The following POLQ variants were observed in gnomAD, a reference collection of about 807,000 sequenced individuals.
The protein encoded by POLQ is epididymis secretory sperm binding protein.
POLQ carries 233 observed loss-of-function variants against 259.2 expected under a neutral mutation model. That is an observed-to-expected ratio of 0.90 (90% CI 0.81 to 1.00). POLQ has a LOEUF of 1.00. POLQ is among the 50% of genes least tolerant of loss of function. The probability of loss-of-function intolerance (pLI) is 0.00; values close to 1 mark genes in which losing one functional copy is unlikely to be tolerated. For synonymous variants in POLQ, 1,025 were observed against 1,048.8 expected, an observed-to-expected ratio of 0.98 and a Z score of 0.44; for missense variants, 2,871 against 3,051.6, an observed-to-expected ratio of 0.94 and a Z score of 1.39.
chr3:121,460,028 T>G, intron 25 of POLQ, 22 bp downstream of exon 25: 1 of 1,586,640 alleles, frequency 6.3e-7, no homozygotes. Flanking sequence ...TCCTTTATAT[T>G]AACCATGTTC....
chr3:121,449,869 G>A (rs1000268401), intron 25 of POLQ, among the ~76,000 whole-genome samples: 4 of 151,808 alleles, frequency 2.6e-5, no homozygotes, highest in African/African-American at 4.8e-5. Flanking sequence ...ACTTTATGAC[G>A]AAGACTTAAC....
intron 25 of POLQ, among the ~76,000 whole-genome samples, chr3:121,456,743 G>C (rs868108128): frequency 0.012 from 1,789 of 152,042 alleles, 18 homozygotes; most frequent in African/African-American, 0.031. Context: ...AGGATACAAA[G>C]AAATGGAAGA....
intron 25 of POLQ, among the ~76,000 whole-genome samples, chr3:121,454,818 A>T (rs926642739): frequency 1.4e-4 from 22 of 152,300 alleles, no homozygotes; most frequent in Non-Finnish European, 2.9e-4. Flanking sequence ...CATTAGACAG[A>T]TCAACGAGAC....
chr3:121,500,653 C>T (rs960998698), intron 12 of POLQ, among the ~76,000 whole-genome samples: 30 of 152,214 alleles, frequency 2.0e-4, no homozygotes, highest in African/African-American at 6.7e-4. Context: ...GGAAAATCAT[C>T]TGAAGAAATT....
At position 121,489,068 on chromosome 3, in the gene POLQ, A is replaced by C. The variant is rs780617428; in HGVS notation, c.3863T>G (p.Ile1288Ser). The change falls in exon 16 of 30, where the codon ATT becomes AGT. Residue 1288 changes from isoleucine to serine, a missense_variant. By Grantham distance (142) the Ile-to-Ser change is moderately radical. Coordinates refer to ENST00000264233, the MANE Select transcript of POLQ (RefSeq NM_199420.4). ...ACCTGTTTTTTCTTGTAGTCTAGAAATATTTAGAAAATTCTCATGCTGGCC... is the reference window on the plus strand; with the variant it reads ...ACCTGTTTTTTCTTGTAGTCTAGAACTATTTAGAAAATTCTCATGCTGGCC... ...SEGQHENFLN[I>S]SRLQEKTGTY... 2 of 1,613,526 alleles carry C rather than the reference A, an allele frequency of 1.2e-6. No homozygotes were observed. Among genetic ancestry groups the C allele is most frequent in the Non-Finnish European group, 1.7e-6 (2 of 1,179,510 alleles).
chr3:121,507,876 C>T (rs926715060), intron 12 of POLQ, among the ~76,000 whole-genome samples: 16 of 152,032 alleles, frequency 1.1e-4, no homozygotes, highest in Non-Finnish European at 1.9e-4. Flanking sequence ...TTTTAAGACA[C>T]GAGGTCTCTT....
chr3:121,472,416 G>A (rs1462765120), intron 21 of POLQ, among the ~76,000 whole-genome samples: 1 of 152,120 alleles, frequency 6.6e-6, no homozygotes, highest in African/African-American at 2.4e-5. Flanking sequence ...TGAATTGTCA[G>A]TTTAACAAAG....
rs1360764144 is a variant in POLQ, at chr3:121,489,024, T to A, written c.3907A>T (p.Thr1303Ser). 6.2e-7 allele frequency: 1 copy of A among 1,612,846 alleles called. No individual in the cohort carries two copies. The highest frequency in any genetic ancestry group is 8.5e-7 in the Non-Finnish European group (1 of 1,179,208). ...EKTGTYTTNK[T>S]KNNHVSDLGL... is the part of the protein sequence containing the mutation. ...AAGTCAGAAACATGATTATTTTTAGTTTTGTTTGTTGTATAAGTACCTGTT... is the reference window on the plus strand; with the variant it reads ...AAGTCAGAAACATGATTATTTTTAGATTTGTTTGTTGTATAAGTACCTGTT... The change falls in exon 16 of 30, where the codon ACT (threonine) becomes TCT (serine). Residue 1303 changes from threonine to serine, a missense_variant. Physicochemically the swap from Thr to Ser is moderately conservative, Grantham distance 58 (BLOSUM62 1). This residue lies in a region of POLQ where 2,080 missense variants were observed against 2,126.0 expected (regional missense o/e 0.98). Coordinates refer to ENST00000264233, the MANE Select transcript of POLQ (RefSeq NM_199420.4).
rs1177157863 is a variant in POLQ, at chr3:121,488,901, C to T, written c.4030G>A (p.Ala1344Thr). 6.2e-7 allele frequency: 1 copy of T among 1,614,026 alleles called. No individual in the cohort carries two copies. Among genetic ancestry groups the T allele is most frequent in the African/African-American group, 1.3e-5 (1 of 74,922 alleles). The change falls in exon 16 of 30, where the codon GCA (alanine) becomes ACA (threonine). Residue 1344 changes from alanine to threonine, a missense_variant. Around this residue, in one of 3 missense-constraint regions of POLQ, gnomAD observed 2,080 missense variants for 2,126.0 expected, o/e 0.98. Coordinates refer to ENST00000264233, the MANE Select transcript of POLQ (RefSeq NM_199420.4). ...QMATENAKLG[A>T]KDTNLAAGIM... ...CCTGCTGCCAGGTTGGTGTCCTTTG[C>T]TCCTAGTTTGGCATTTTCAGTTGCC...
chr3:121,509,185 T>C (rs2048232866), intron 12 of POLQ, among the ~76,000 whole-genome samples: 1 of 152,204 alleles, frequency 6.6e-6, no homozygotes, highest in Non-Finnish European at 1.5e-5. Context: ...GACAACAGCA[T>C]TGGACATGAC....
chr3:121,509,432 T>C, intron 12 of POLQ, 129 bp downstream of exon 12: 1 of 631,994 alleles, frequency 1.6e-6, no homozygotes, highest in Non-Finnish European at 2.6e-6. Flanking sequence ...TCTTCTCTAT[T>C]CCCACCAGTA....
chr3:121,484,350 C>T (rs1249479004), intron 17 of POLQ, among the ~76,000 whole-genome samples: 3 of 152,106 alleles, frequency 2.0e-5, no homozygotes, highest in East Asian at 3.9e-4. Context: ...ATCTCTAGCT[C>T]AACATTCCCT....
chr3:121,493,314 A>AT (rs1170769132), intron 15 of POLQ, among the ~76,000 whole-genome samples, 164 bp downstream of exon 15: 1 of 152,144 alleles, frequency 6.6e-6, no homozygotes, highest in Non-Finnish European at 1.5e-5. Context: ...AAAAAAAAAA[A>AT]GTAATCTGCA....
chr3:121,528,839 C>G (rs944812576), intron 7 of POLQ, among the ~76,000 whole-genome samples: 4 of 152,040 alleles, frequency 2.6e-5, no homozygotes, highest in African/African-American at 7.2e-5. Context: ...GTAATCCCAG[C>G]TACTGGGGAG....
chr3:121,473,530 A>G, intron 20 of POLQ, 43 bp from the exon 21 acceptor site: 2 of 1,515,852 alleles, frequency 1.3e-6, no homozygotes, highest in Non-Finnish European at 1.8e-6. Flanking sequence ...TGAAACTTGC[A>G]AGGATTATCA....
In POLQ at chr3:121,448,013, TA is replaced by T. The variant is rs149337331; in HGVS notation, c.7264+1301del. Among the ~76,000 whole-genome samples the T allele has an allele frequency of 9.0e-3, 1,374 of 152,304 alleles. 20 individuals are homozygous for T. The highest frequency in any genetic ancestry group is 0.031 in the African/African-American group (1,301 of 41,554). On this transcript the variant is annotated intron_variant, in intron 26 of 29. Transcript: ENST00000264233. ...TGTCTTAAGGCAGTCTTCTTTGGGT[TA>T]AATCTGTTCTATAACTTTCTTTTAC... is the stretch of plus-strand genomic sequence containing the variant.
intron 3 of POLQ, among the ~76,000 whole-genome samples, chr3:121,539,975 T>G (rs1342922958): frequency 6.6e-6 from 1 of 152,148 alleles, no homozygotes; most frequent in African/African-American, 2.4e-5. Flanking sequence ...GAAAATAGTC[T>G]CATTATCCTA....
At position 121,452,256 on chromosome 3, in the gene POLQ, C is replaced by A. The variant is rs57866279; in HGVS notation, c.7153-2830G>T. 3.3e-3 allele frequency among the ~76,000 whole-genome samples: 500 copies of A among 152,260 alleles called. 5 individuals carry two copies. Among genetic ancestry groups the A allele is most frequent in the African/African-American group, 0.011 (475 of 41,544 alleles). ...TTCCCAGGTGAGGTGATGCCTCGCCCTGCTTCGGCTCACGCTCGGTGGGCT... is the reference window on the plus strand; with the variant it reads ...TTCCCAGGTGAGGTGATGCCTCGCCATGCTTCGGCTCACGCTCGGTGGGCT... On this transcript the variant is annotated intron_variant, in intron 25 of 29. Coordinates refer to ENST00000264233, the MANE Select transcript of POLQ (RefSeq NM_199420.4).
At chr3:121,496,087 G>T (rs756255794) in intron 14 of POLQ, among the ~76,000 whole-genome samples, 18 of 151,184 alleles carry the variant, frequency 1.2e-4, no homozygotes, top group Non-Finnish European at 2.6e-4. Flanking sequence ...CAGACCAGTG[G>T]TTCCTTAGAT....
Sources: allele counts gnomAD v4.1 joint callset (sites outside exome capture counted in the v4.1 genomes callset), GRCh38; gene constraint gnomAD v4.1.1; regional missense constraint gnomAD v4.1.1; transcripts MANE v1.5; gene names NCBI Gene and HGNC (gene_info 2026-07-23, HGNC 2026-07-21).